Variants in KCNIP4 observed in about 807,000 individuals in gnomAD.
The protein encoded by KCNIP4 is Kv channel-interacting protein 4.
A neutral mutation model predicts 34.0 loss-of-function variants in KCNIP4; 12 were observed. The ratio of observed to expected loss-of-function variants is 0.35; its 90% CI spans 0.23 to 0.57. KCNIP4 has a LOEUF of 0.57. Ranked by LOEUF, KCNIP4 falls within the 20% of genes least tolerant of loss-of-function variation. The probability of loss-of-function intolerance (pLI) is 0.83; values close to 1 mark genes in which losing one functional copy is unlikely to be tolerated. For missense variants in KCNIP4, 238 were observed against 311.7 expected (o/e 0.76, Z 1.78); for synonymous variants, 124 against 102.2 (o/e 1.21, Z -1.29).
At chr4:21,194,057 T>C (rs1755876019) in intron 1 of KCNIP4, among the ~76,000 whole-genome samples, 1 of 152,152 alleles carries the variant, frequency 6.6e-6, no homozygotes, top group Admixed American at 6.5e-5. Context: ...ATTTCAAAGA[T>C]TATGAACAAT....
intron 1 of KCNIP4, among the ~76,000 whole-genome samples, chr4:21,535,829 G>T (rs535286114): frequency 4.2e-4 from 64 of 152,128 alleles, no homozygotes; most frequent in Non-Finnish European, 6.5e-4. Flanking sequence ...TCAAAGATAG[G>T]CATGTGGATT....
intron 1 of KCNIP4, among the ~76,000 whole-genome samples, chr4:21,521,514 C>G (rs1473941114): frequency 6.6e-6 from 1 of 152,072 alleles, no homozygotes. Flanking sequence ...TCATCCTGTT[C>G]CCTAGGACTA....
chr4:21,593,057 C>T (rs1417533357), intron 1 of KCNIP4, among the ~76,000 whole-genome samples: 1 of 151,604 alleles, frequency 6.6e-6, no homozygotes, highest in Non-Finnish European at 1.5e-5. Flanking sequence ...TCCTTGGACT[C>T]CTTCTAAAAT....
At chr4:20,987,161 T>G (rs756353586) in intron 1 of KCNIP4, among the ~76,000 whole-genome samples, 14 of 152,090 alleles carry the variant, frequency 9.2e-5, no homozygotes, top group Non-Finnish European at 1.6e-4. Flanking sequence ...TTTGGGAGGC[T>G]TAGGTGGGAG....
At chr4:20,926,262 A>T (rs1426100626) in intron 1 of KCNIP4, among the ~76,000 whole-genome samples, 1 of 152,198 alleles carries the variant, frequency 6.6e-6, no homozygotes, top group Non-Finnish European at 1.5e-5. Flanking sequence ...ATTGAAAAAG[A>T]CACCTGGCCT....
chr4:21,697,132 TA>T (rs1028563253), intron 1 of KCNIP4, among the ~76,000 whole-genome samples: 2 of 151,478 alleles, frequency 1.3e-5, no homozygotes, highest in African/African-American at 4.8e-5. Context: ...CTTGAAGAGA[TA>T]AAAAAAATAC....
intron 1 of KCNIP4, among the ~76,000 whole-genome samples, chr4:21,882,681 G>A (rs754296056): frequency 1.1e-4 from 17 of 152,200 alleles, no homozygotes; most frequent in South Asian, 2.1e-4. Context: ...AAGTGGCTGC[G>A]TCCCTGACCC....
chr4:21,454,503 G>C (rs891761904), intron 1 of KCNIP4, among the ~76,000 whole-genome samples: 9 of 152,014 alleles, frequency 5.9e-5, no homozygotes, highest in African/African-American at 2.2e-4. Flanking sequence ...TTGACTCCAG[G>C]GTAAAATGCT....
At chr4:21,006,595 T>C (rs1560639761) in intron 1 of KCNIP4, among the ~76,000 whole-genome samples, 1 of 152,188 alleles carries the variant, frequency 6.6e-6, no homozygotes, top group African/African-American at 2.4e-5. Context: ...AGAGCTATAA[T>C]GGAGATGTGT....
At chr4:21,140,150 G>A (rs1028338988) in intron 1 of KCNIP4, among the ~76,000 whole-genome samples, 10 of 152,070 alleles carry the variant, frequency 6.6e-5, no homozygotes, top group African/African-American at 2.4e-4. Context: ...ATTTATTACA[G>A]GCAGCTACAG....
intron 1 of KCNIP4, among the ~76,000 whole-genome samples, chr4:21,765,449 G>C (rs1718345848): frequency 6.6e-6 from 1 of 151,910 alleles, no homozygotes; most frequent in Non-Finnish European, 1.5e-5. Flanking sequence ...AACAAAAACT[G>C]TTTTATCCCT....
chr4:21,271,679 A>G (rs1393615724), intron 1 of KCNIP4, among the ~76,000 whole-genome samples: 2 of 152,158 alleles, frequency 1.3e-5, no homozygotes, highest in East Asian at 3.9e-4. Context: ...TTGGGGCTAC[A>G]CTTCCAGAAG....
chr4:21,286,686 A>C (rs1384853607), intron 1 of KCNIP4, among the ~76,000 whole-genome samples: 1 of 152,192 alleles, frequency 6.6e-6, no homozygotes, highest in Admixed American at 6.5e-5. Flanking sequence ...TGTGCTTTTC[A>C]TCTGTTATTT....
At chr4:21,290,380 T>C (rs1372339991) in intron 1 of KCNIP4, among the ~76,000 whole-genome samples, 1 of 152,186 alleles carries the variant, frequency 6.6e-6, no homozygotes, top group African/African-American at 2.4e-5. Context: ...ATATTGATAT[T>C]CTTCTCTTTT....
At chr4:21,138,882 G>A (rs914949981) in intron 1 of KCNIP4, among the ~76,000 whole-genome samples, 2 of 152,152 alleles carry the variant, frequency 1.3e-5, no homozygotes, top group African/African-American at 4.8e-5. Context: ...GGAAAGGCAA[G>A]ACGGATTCTC....
At chr4:21,822,491 C>A (rs929072501) in intron 1 of KCNIP4, among the ~76,000 whole-genome samples, 1 of 152,064 alleles carries the variant, frequency 6.6e-6, no homozygotes, top group Admixed American at 6.6e-5. Flanking sequence ...ATGTAACTCC[C>A]TATTTTTATA....
At chr4:21,040,204 C>CATAT (rs1421890969) in intron 1 of KCNIP4, among the ~76,000 whole-genome samples, 1 of 152,146 alleles carries the variant, frequency 6.6e-6, no homozygotes, top group Non-Finnish European at 1.5e-5. Context: ...AAAGCCTAAC[C>CATAT]ATATCATGCT....
Position 21,462,768 on chromosome 4 carries a change from T to TGTGC in KCNIP4, c.61+485802_61+485803insGCAC, listed in dbSNP as rs1402852568. 1.9e-4 allele frequency among the ~76,000 whole-genome samples: 6 copies of TGTGC among 31,934 alleles called. No homozygotes were observed. The African/African-American group carries it at 2.4e-3, about 13-fold the overall frequency. 20.9% of individuals were successfully genotyped at this position (31,934 alleles called of 152,430 possible). On this transcript the variant is annotated intron_variant, in intron 1 of 8. Coordinates refer to ENST00000382152, the MANE Select transcript of KCNIP4 (RefSeq NM_025221.6). ...TTTATGGCTAAATAGTATTCCATTG[T>TGTGC]GTGTGTGTGTGTGTGTGTGTGTGTG...
chr4:21,049,904 TGTTA>T (rs1742776842), intron 1 of KCNIP4, among the ~76,000 whole-genome samples: 1 of 152,226 alleles, frequency 6.6e-6, no homozygotes, highest in African/African-American at 2.4e-5. Flanking sequence ...CTTTAGCTGT[TGTTA>T]GTTAATCTCA....
Sources: allele counts gnomAD v4.1 joint callset (sites outside exome capture counted in the v4.1 genomes callset), GRCh38; gene constraint gnomAD v4.1.1; transcripts MANE v1.5; gene names NCBI Gene and HGNC (gene_info 2026-07-23, HGNC 2026-07-21).